PPM1H: variants seen among roughly 807,000 people sequenced by gnomAD.
The protein encoded by PPM1H is protein phosphatase 1H.
A neutral mutation model predicts 54.9 loss-of-function variants in PPM1H; 27 were observed. That is an observed-to-expected ratio of 0.49 (90% CI 0.36 to 0.68). The LOEUF (loss-of-function observed/expected upper bound fraction) is 0.68. PPM1H is among the 30% of genes least tolerant of loss of function. PPM1H has a pLI of 0.00. For synonymous variants in PPM1H, 305 were observed against 270.8 expected (o/e 1.13, Z -1.24); for missense variants, 596 against 667.8 (o/e 0.89, Z 1.19).
intron 6 of PPM1H, among the ~76,000 whole-genome samples, chr12:62,699,945 A>G (rs2076134856): frequency 6.6e-6 from 1 of 152,080 alleles, no homozygotes; most frequent in African/African-American, 2.4e-5. Context: ...ATTCCTTCAA[A>G]TCCCTCTTGC....
chr12:62,909,794 C>T (rs1871401762), intron 1 of PPM1H, among the ~76,000 whole-genome samples: 2 of 152,200 alleles, frequency 1.3e-5, no homozygotes, highest in South Asian at 4.1e-4. Flanking sequence ...CTGCTTTGCT[C>T]ACCATTTCCC....
intron 4 of PPM1H, among the ~76,000 whole-genome samples, chr12:62,776,000 T>A (rs7297041): frequency 6.6e-6 from 1 of 152,038 alleles, no homozygotes; most frequent in African/African-American, 2.4e-5. Context: ...CACGTCTTAC[T>A]TGATGGCAGG....
intron 1 of PPM1H, among the ~76,000 whole-genome samples, chr12:62,857,959 ATCT>A (rs1869451277): frequency 6.6e-6 from 1 of 151,942 alleles, no homozygotes; most frequent in Non-Finnish European, 1.5e-5. Context: ...ATATACCCTT[ATCT>A]ATTTGTCATG....
intron 5 of PPM1H, among the ~76,000 whole-genome samples, chr12:62,733,785 C>T (rs760759136): frequency 1.3e-5 from 2 of 152,106 alleles, no homozygotes; most frequent in African/African-American, 2.4e-5. Flanking sequence ...GCATTTTCAC[C>T]TTTTAAAAAT....
intron 8 of PPM1H, among the ~76,000 whole-genome samples, chr12:62,682,619 T>C (rs749437769): frequency 3.9e-5 from 6 of 152,112 alleles, no homozygotes; most frequent in Non-Finnish European, 8.8e-5. Flanking sequence ...CTCTGGCCTC[T>C]CAGTCTCCTG....
At chr12:62,738,902 C>A (rs1430904825) in intron 4 of PPM1H, among the ~76,000 whole-genome samples, 1 of 151,652 alleles carries the variant, frequency 6.6e-6, no homozygotes, top group East Asian at 2.0e-4. Flanking sequence ...CTATAAATGG[C>A]TGCAGCTGTC....
chr12:62,793,316 T>C (rs1049011625), intron 3 of PPM1H, among the ~76,000 whole-genome samples: 3 of 152,196 alleles, frequency 2.0e-5, no homozygotes, highest in Non-Finnish European at 2.9e-5. Context: ...TTCTGTTGTG[T>C]CTGCTTAAAC....
At chr12:62,670,648 T>A (rs1279031203) in intron 8 of PPM1H, among the ~76,000 whole-genome samples, 1 of 152,214 alleles carries the variant, frequency 6.6e-6, no homozygotes, top group Admixed American at 6.5e-5. Context: ...CGTTATAAAA[T>A]GCTACTCTTC....
intron 5 of PPM1H, among the ~76,000 whole-genome samples, chr12:62,736,710 T>TAC (rs1376637778): frequency 6.6e-6 from 1 of 152,232 alleles, no homozygotes; most frequent in Non-Finnish European, 1.5e-5. Context: ...AGATGGGCAC[T>TAC]ACTTTAGCTG....
chr12:62,648,308 TA>T lies in PPM1H; in HGVS notation c.*180del. ...TGCTCTTGTTGAGTTGACCTGTTACTAAAGAAGAAATGGAAACCAAAGGGTC... is the reference window on the plus strand; with the variant it reads ...TGCTCTTGTTGAGTTGACCTGTTACTAAGAAGAAATGGAAACCAAAGGGTC... On this transcript the variant is annotated 3_prime_UTR_variant, in exon 10 of 10. Transcript: ENST00000228705. 1.4e-6 allele frequency: 1 copy of T among 697,110 alleles called. No homozygotes were observed. The highest frequency in any genetic ancestry group is 2.3e-6 in the Non-Finnish European group (1 of 432,570). The allele number at this position is 697,110 out of a possible 1,614,324, so 43.2% of individuals were successfully genotyped here. A position where few individuals can be genotyped will look rare whatever the true frequency, so the allele number is the denominator to read the frequency against.
At chr12:62,890,928 T>G (rs619480) in intron 1 of PPM1H, among the ~76,000 whole-genome samples, 18,680 of 151,608 alleles carry the variant, frequency 0.12, 3,454 homozygotes, top group African/African-American at 0.4. Flanking sequence ...GACTAACATG[T>G]TGAAATCCCA....
intron 6 of PPM1H, among the ~76,000 whole-genome samples, chr12:62,712,689 G>A (rs1262205846): frequency 6.6e-6 from 1 of 152,176 alleles, no homozygotes; most frequent in Non-Finnish European, 1.5e-5. Flanking sequence ...AAAAATGTAG[G>A]CTTTCTAAGG....
chr12:62,892,235 GAAGTTTGATA>G (rs1275535599), intron 1 of PPM1H, among the ~76,000 whole-genome samples: 5 of 152,154 alleles, frequency 3.3e-5, no homozygotes, highest in Non-Finnish European at 7.3e-5. Context: ...AAGTCAGCAG[GAAGTTTGATA>G]AATTGATGTT....
intron 6 of PPM1H, among the ~76,000 whole-genome samples, chr12:62,714,103 G>A (rs939743327): frequency 2.6e-5 from 4 of 152,174 alleles, no homozygotes; most frequent in African/African-American, 4.8e-5. Flanking sequence ...GCACCATGCC[G>A]TAGAACTTTC....
intron 6 of PPM1H, among the ~76,000 whole-genome samples, chr12:62,697,599 T>C (rs1222953708): frequency 6.6e-6 from 1 of 152,196 alleles, no homozygotes; most frequent in Non-Finnish European, 1.5e-5. Context: ...GAATTTATGC[T>C]TCCAGCTTGT....
intron 6 of PPM1H, among the ~76,000 whole-genome samples, chr12:62,706,959 G>A (rs2076178237): frequency 6.6e-6 from 1 of 152,174 alleles, no homozygotes; most frequent in South Asian, 2.1e-4. Flanking sequence ...AGATGTACAA[G>A]ATCACTATAG....
Position 62,817,470 on chromosome 12 carries a change from A to AG in PPM1H, c.411+14643_411+14644insC, listed in dbSNP as rs1491183957. On this transcript the variant is annotated intron_variant, in intron 2 of 9. Coordinates refer to ENST00000228705, the MANE Select transcript of PPM1H (RefSeq NM_020700.2). Reference sequence around the variant, plus strand: ...GAGAGAGACCCTGTCTCAAAAAAAAACAAACAAACAAACAAAAAAAAAACT... The same window carrying AG: ...GAGAGAGACCCTGTCTCAAAAAAAAAGCAAACAAACAAACAAAAAAAAAACT... Among the ~76,000 whole-genome samples the AG allele has an allele frequency of 6.7e-3, 889 of 132,094 alleles. 17 individuals are homozygous for AG. Among genetic ancestry groups the AG allele is most frequent in the African/African-American group, 0.022 (851 of 39,186 alleles). 86.7% of individuals were successfully genotyped at this position (132,094 alleles called of 152,430 possible).
chr12:62,662,402 A>T (rs2075889561), intron 9 of PPM1H, among the ~76,000 whole-genome samples: 1 of 152,202 alleles, frequency 6.6e-6, no homozygotes, highest in African/African-American at 2.4e-5. Context: ...CAATTCCTCC[A>T]CACCTGAGCT....
chr12:62,919,308 G>A (rs1000406843), intron 1 of PPM1H, among the ~76,000 whole-genome samples: 1 of 152,162 alleles, frequency 6.6e-6, no homozygotes, highest in African/African-American at 2.4e-5. Flanking sequence ...AGTATAGTTT[G>A]TTGGTAACTC....
Sources: allele counts gnomAD v4.1 joint callset (sites outside exome capture counted in the v4.1 genomes callset), GRCh38; gene constraint gnomAD v4.1.1; transcripts MANE v1.5; gene names NCBI Gene and HGNC (gene_info 2026-07-23, HGNC 2026-07-21).